Variants in MICAL3 observed in about 807,000 individuals in gnomAD.
MICAL3 encodes the protein microtubule associated monooxygenase, calponin and LIM domain containing 3.
In MICAL3, 62 loss-of-function variants were observed where a neutral mutation model predicts 207.4. The ratio of observed to expected loss-of-function variants is 0.30; its 90% CI spans 0.24 to 0.37. The LOEUF (loss-of-function observed/expected upper bound fraction) is 0.37, where lower values mean the gene tolerates loss of function less well. Ranked by LOEUF, MICAL3 falls within the 10% of genes least tolerant of loss-of-function variation. The pLI is 1.00. For missense variants in MICAL3, 2,368 were observed against 2,635.6 expected (o/e 0.90, Z 2.22); for synonymous variants, 1,077 against 1,069.3 (o/e 1.01, Z -0.14).
Position 17,900,809 on chromosome 22 carries a change from C to T in MICAL3, c.847+33G>A. 1 of 1,607,504 alleles carries T rather than the reference C, an allele frequency of 6.2e-7. No homozygotes were observed. The highest frequency in any genetic ancestry group is 8.5e-7 in the Non-Finnish European group (1 of 1,175,848). On this transcript the variant is annotated intron_variant, in intron 6 of 31. Coordinates refer to ENST00000441493, the MANE Select transcript of MICAL3 (RefSeq NM_015241.3). The surrounding 1 kb of genome is among the most constrained non-coding windows in gnomAD (Gnocchi z 4.0). ...AAGCCACCAGGGACTATTTAAGTTT[C>T]TATCCTAGGGCTCCGGAGACATCAA...
At chr22:17,865,058 C>T in intron 18 of MICAL3, 72 bp from the exon 19 acceptor site, 2 of 1,253,264 alleles carry the variant, frequency 1.6e-6, no homozygotes, top group South Asian at 4.6e-5. Flanking sequence ...CCTAGAGGCA[C>T]TGACAATCTG....
At chr22:17,877,702 G>A (rs1462857081) in intron 16 of MICAL3, among the ~76,000 whole-genome samples, 1 of 152,014 alleles carries the variant, frequency 6.6e-6, no homozygotes, top group Non-Finnish European at 1.5e-5. Context: ...CCAGTTCAGA[G>A]GGAAAAAGAG....
intron 19 of MICAL3, chr22:17,861,637 G>A: frequency 1.0e-6 from 1 of 985,426 alleles, no homozygotes; most frequent in Non-Finnish European, 1.2e-6. Context: ...TATTGTTCAA[G>A]CTTTTTCTAA....
chr22:17,884,311 C>A, intron 16 of MICAL3: 1 of 1,591,232 alleles, frequency 6.3e-7, no homozygotes, highest in Middle Eastern at 1.7e-4. Context: ...GGCGAACCTG[C>A]CCAGGCAGGC....
At chr22:17,807,809 C>T (rs1304374783) in intron 29 of MICAL3, among the ~76,000 whole-genome samples, 1 of 152,242 alleles carries the variant, frequency 6.6e-6, no homozygotes, top group Non-Finnish European at 1.5e-5. Flanking sequence ...CGCCTCCTCC[C>T]AGTTCGTCCA....
At chr22:17,874,531 G>A (rs959388981) in intron 16 of MICAL3, among the ~76,000 whole-genome samples, 11 of 152,216 alleles carry the variant, frequency 7.2e-5, no homozygotes, top group African/African-American at 2.7e-4. Flanking sequence ...ACCTGGGGCT[G>A]CCCGTGCAAA....
intron 1 of MICAL3, among the ~76,000 whole-genome samples, chr22:17,982,117 A>T (rs974139145): frequency 6.6e-5 from 10 of 152,208 alleles, no homozygotes; most frequent in East Asian, 1.9e-4. Flanking sequence ...AAAATAAAAA[A>T]AAAAAAATTA....
At chr22:17,925,347 T>A (rs1366823553) in intron 1 of MICAL3, among the ~76,000 whole-genome samples, 3 of 152,194 alleles carry the variant, frequency 2.0e-5, no homozygotes, top group Non-Finnish European at 4.4e-5. Flanking sequence ...CTATACCACT[T>A]GATTGCAGTA....
In MICAL3 at chr22:17,953,930, C is replaced by CAAAAAAAAAA. The variant is rs59740388; in HGVS notation, c.-74-47054_-74-47045dup. On this transcript the variant is annotated intron_variant, in intron 1 of 31. Coordinates refer to ENST00000441493, the MANE Select transcript of MICAL3 (RefSeq NM_015241.3). ...CAGGTGACAGAGTAAGACTCCATCT[C>CAAAAAAAAAA]AAAAAAAAAAAAAAAAAAAAAAAAA... Among the ~76,000 whole-genome samples the CAAAAAAAAAA allele has an allele frequency of 2.5e-3, 215 of 86,478 alleles. 1 individual carries two copies. The highest frequency in any genetic ancestry group is 3.2e-3 in the Non-Finnish European group (137 of 43,378). The allele number at this position is 86,478 out of a possible 152,430, so 56.7% of individuals were successfully genotyped here. A position where few individuals can be genotyped will look rare whatever the true frequency, so the allele number is the denominator to read the frequency against.
chr22:17,860,490 G>C (rs949190899), intron 19 of MICAL3: 1 of 985,386 alleles, frequency 1.0e-6, no homozygotes, highest in African/African-American at 1.7e-5. Context: ...TGGCTCGGGA[G>C]AAAAGTGAAC....
chr22:17,990,723 C>G (rs1921584966), intron 1 of MICAL3, among the ~76,000 whole-genome samples: 1 of 152,208 alleles, frequency 6.6e-6, no homozygotes, highest in South Asian at 2.1e-4. Context: ...TCTAACCTCA[C>G]TGCGCCTCAT....
intron 19 of MICAL3, chr22:17,864,236 C>A (rs913516418): frequency 9.7e-7 from 1 of 1,026,756 alleles, no homozygotes; most frequent in Admixed American, 5.0e-5. Context: ...CACCTCCCAA[C>A]ACAAGGAAGT....
Position 17,788,896 on chromosome 22 carries a change from G to T in MICAL3, c.*1836C>A, listed in dbSNP as rs1280576669. On this transcript the variant is annotated 3_prime_UTR_variant, in exon 32 of 32. Coordinates refer to ENST00000441493, the MANE Select transcript of MICAL3 (RefSeq NM_015241.3). The stretch of plus-strand genomic sequence containing the variant: ...GCTCCACTGCGGGACGCCTTGGAGG[G>T]GCCAGGCCTCTGCTCCCAGCTGGCC... The T allele has an allele frequency of 6.6e-6, 1 of 152,468 alleles. No individual in the cohort carries two copies. The highest frequency in any genetic ancestry group is 1.5e-5 in the Non-Finnish European group (1 of 68,214). The allele number at this position is 152,468 out of a possible 1,614,324, so 9.4% of individuals were successfully genotyped here. A position where few individuals can be genotyped will look rare whatever the true frequency, so the allele number is the denominator to read the frequency against.
intron 1 of MICAL3, among the ~76,000 whole-genome samples, chr22:17,935,098 CA>C (rs1478748532): frequency 1.3e-5 from 2 of 151,818 alleles, no homozygotes; most frequent in African/African-American, 2.4e-5. Context: ...CATATGGAAC[CA>C]AAAAAGAGCC....
chr22:17,950,205 A>T lies in MICAL3; in HGVS notation c.-74-43319T>A, dbSNP rs549881415. ...AGACAAGAGTCTCGCTCTGTTACCC[A>T]GGCTGGAATGCAGTGGCGCTATCTT... On this transcript the variant is annotated intron_variant, in intron 1 of 31. Transcript: ENST00000441493. Among the ~76,000 whole-genome samples, 5 of 149,718 alleles carry T rather than the reference A, an allele frequency of 3.3e-5. No homozygotes were observed. In the East Asian group the frequency reaches 9.7e-4, roughly 29 times the overall value.
At chr22:17,987,203 C>T (rs560756528) in intron 1 of MICAL3, among the ~76,000 whole-genome samples, 17 of 152,002 alleles carry the variant, frequency 1.1e-4, no homozygotes, top group African/African-American at 3.1e-4. Context: ...ATCATGCCAC[C>T]GCACTCCAGC....
intron 19 of MICAL3, among the ~76,000 whole-genome samples, chr22:17,851,714 T>C (rs1925358414): frequency 6.6e-6 from 1 of 152,206 alleles, no homozygotes; most frequent in African/African-American, 2.4e-5. Flanking sequence ...AGGGCAAGTC[T>C]ACCAAGACGG....
chr22:17,918,253 C>T (rs924671329), intron 1 of MICAL3, among the ~76,000 whole-genome samples: 1 of 151,878 alleles, frequency 6.6e-6, no homozygotes, highest in Non-Finnish European at 1.5e-5. Flanking sequence ...TGCACTCTGG[C>T]CTGGCGGACA....
chr22:17,969,720 A>G (rs1391897897), intron 1 of MICAL3, among the ~76,000 whole-genome samples: 1 of 152,206 alleles, frequency 6.6e-6, no homozygotes, highest in Non-Finnish European at 1.5e-5. Context: ...TCTCAGAATC[A>G]TTTTTGAGAA....
Sources: gnomAD v4.1 joint callset for allele counts (sites outside exome capture counted in the v4.1 genomes callset) on GRCh38, gnomAD v4.1.1 for gene constraint, Gnocchi (gnomAD v3.1) non-coding constraint, MANE v1.5 for transcripts, NCBI Gene and HGNC (gene_info 2026-07-23, HGNC 2026-07-21) for gene names.